The following SGCZ variants were observed in gnomAD, a reference collection of about 807,000 sequenced individuals.
SGCZ encodes zeta-sarcoglycan.
A neutral mutation model predicts 41.3 loss-of-function variants in SGCZ; 40 were observed. The ratio of observed to expected loss-of-function variants is 0.97; its 90% CI spans 0.75 to 1.26. The LOEUF (loss-of-function observed/expected upper bound fraction) is 1.26, where lower values mean the gene tolerates loss of function less well. Among genes scored for constraint, SGCZ ranks in the 50% most tolerant of loss-of-function variants. The pLI is 0.00. For synonymous variants in SGCZ, 206 were observed against 137.5 expected, an observed-to-expected ratio of 1.50 and a Z score of -3.49; for missense variants, 552 against 369.8, an observed-to-expected ratio of 1.49 and a Z score of -4.04.
chr8:15,068,554 C>CA (rs578255341), intron 1 of SGCZ, among the ~76,000 whole-genome samples: 5 of 151,866 alleles, frequency 3.3e-5, no homozygotes, highest in Admixed American at 6.6e-5. Context: ...AATAAGTTGC[C>CA]AAAAAAATAT....
chr8:15,101,912 G>C (rs7003571), intron 1 of SGCZ, among the ~76,000 whole-genome samples: 1 of 151,946 alleles, frequency 6.6e-6, no homozygotes. Context: ...GCAACAGAGC[G>C]AGACTGTCTA....
rs1242944322 is a variant in SGCZ, at chr8:15,038,466, T to C, written c.39+199119A>G. Among the ~76,000 whole-genome samples the C allele has an allele frequency of 5.9e-5, 9 of 151,502 alleles. No individual in the cohort carries two copies. In the East Asian group the frequency reaches 1.6e-3, roughly 26 times the overall value. On this transcript the variant is annotated intron_variant, in intron 1 of 7. Coordinates refer to ENST00000382080, the MANE Select transcript of SGCZ (RefSeq NM_139167.4). Reference sequence around the variant, plus strand: ...ATACAAAAATAACATCAAAATTGACTAAAGAGTTTAATATAAGACCTTGAA... The same window carrying C: ...ATACAAAAATAACATCAAAATTGACCAAAGAGTTTAATATAAGACCTTGAA...
intron 2 of SGCZ, among the ~76,000 whole-genome samples, chr8:14,341,092 G>C (rs891516855): frequency 4.6e-5 from 7 of 152,122 alleles, no homozygotes; most frequent in Admixed American, 1.3e-4. Flanking sequence ...CTATGTTGTA[G>C]CATGTGTCAA....
At chr8:14,762,751 C>T (rs575249045) in intron 1 of SGCZ, among the ~76,000 whole-genome samples, 17 of 152,138 alleles carry the variant, frequency 1.1e-4, no homozygotes, top group Non-Finnish European at 1.9e-4. Context: ...ATTCAGTTCA[C>T]GTTGATCTTT....
chr8:14,377,103 T>A (rs867296193), intron 2 of SGCZ, among the ~76,000 whole-genome samples: 1 of 152,200 alleles, frequency 6.6e-6, no homozygotes, highest in Admixed American at 6.5e-5. Flanking sequence ...TAGACCGGGT[T>A]GCAAGAAGAA....
intron 1 of SGCZ, among the ~76,000 whole-genome samples, chr8:14,607,302 G>T (rs1222127374): frequency 6.6e-6 from 1 of 152,058 alleles, no homozygotes; most frequent in Non-Finnish European, 1.5e-5. Context: ...TTATCCTTCA[G>T]ATTGTACATT....
chr8:15,216,346 A>G (rs977636016), intron 1 of SGCZ, among the ~76,000 whole-genome samples: 1 of 150,478 alleles, frequency 6.6e-6, no homozygotes, highest in African/African-American at 2.5e-5. Flanking sequence ...CAGCCTCCCG[A>G]GTAGCTGGGA....
At chr8:14,436,088 T>G (rs987622955) in intron 2 of SGCZ, among the ~76,000 whole-genome samples, 1 of 152,188 alleles carries the variant, frequency 6.6e-6, no homozygotes, top group Non-Finnish European at 1.5e-5. Flanking sequence ...GATAGAGAAA[T>G]GCAGTGGATG....
At chr8:14,522,842 A>G (rs528313231) in intron 2 of SGCZ, among the ~76,000 whole-genome samples, 25 of 151,664 alleles carry the variant, frequency 1.6e-4, no homozygotes, top group African/African-American at 5.6e-4. Flanking sequence ...CTTTTTTCTA[A>G]CCTAGTCACT....
chr8:14,600,010 T>G lies in SGCZ; in HGVS notation c.40-45084A>C, dbSNP rs531255233. 1.6e-3 allele frequency among the ~76,000 whole-genome samples: 242 copies of G among 152,318 alleles called. 2 individuals are homozygous for G. The highest frequency in any genetic ancestry group is 5.7e-3 in the African/African-American group (235 of 41,578). ...CTTCACATTTTCTTTCAAACTTCAT[T>G]CCTATGAGGTCTTTATCCTCAGCAA... On this transcript the variant is annotated intron_variant, in intron 1 of 7. Transcript: ENST00000382080.
intron 1 of SGCZ, among the ~76,000 whole-genome samples, chr8:14,697,840 A>G (rs1333548080): frequency 6.6e-6 from 1 of 151,960 alleles, no homozygotes; most frequent in Non-Finnish European, 1.5e-5. Context: ...TTAATTCTCA[A>G]CATTTGTTCT....
chr8:14,495,502 G>A (rs1801963060), intron 2 of SGCZ, among the ~76,000 whole-genome samples: 1 of 152,116 alleles, frequency 6.6e-6, no homozygotes, highest in Non-Finnish European at 1.5e-5. Context: ...ATCAGGAAGC[G>A]ATCAGATTGA....
rs192499302 is a variant in SGCZ, at chr8:14,503,683, G to C, written c.234+51049C>G. Among the ~76,000 whole-genome samples, 1,386 of 152,004 alleles carry C rather than the reference G, an allele frequency of 9.1e-3. 25 individuals are homozygous for C. Among genetic ancestry groups the C allele is most frequent in the African/African-American group, 0.032 (1,331 of 41,476 alleles). ...CTAGGGAGGCTGAGGCAGGAGAATC[G>C]CTTGAACCTGGGAGGTGGAGGTTGC... is the stretch of plus-strand genomic sequence containing the variant. On this transcript the variant is annotated intron_variant, in intron 2 of 7. Transcript: ENST00000382080.
chr8:14,874,121 T>C (rs1278842364), intron 1 of SGCZ, among the ~76,000 whole-genome samples: 2 of 152,068 alleles, frequency 1.3e-5, no homozygotes, highest in African/African-American at 4.8e-5. Flanking sequence ...GAAACTGCAG[T>C]TCAGTAGTTT....
chr8:14,513,190 G>A (rs938342628), intron 2 of SGCZ, among the ~76,000 whole-genome samples: 4 of 151,826 alleles, frequency 2.6e-5, no homozygotes, highest in Admixed American at 6.6e-5. Flanking sequence ...CTATAAGCAT[G>A]TTCCACCACT....
intron 1 of SGCZ, among the ~76,000 whole-genome samples, chr8:14,735,334 G>A (rs1798995131): frequency 1.3e-5 from 2 of 152,334 alleles, no homozygotes; most frequent in South Asian, 4.1e-4. Context: ...CACTCTCGAT[G>A]TGGGTGGGCA....
At chr8:14,923,402 G>A (rs1002674222) in intron 1 of SGCZ, among the ~76,000 whole-genome samples, 2 of 152,200 alleles carry the variant, frequency 1.3e-5, no homozygotes, top group South Asian at 2.1e-4. Flanking sequence ...TCTGGAAGTA[G>A]ATAACAGAAG....
intron 3 of SGCZ, among the ~76,000 whole-genome samples, chr8:14,253,467 A>C (rs1262519791): frequency 1.3e-5 from 2 of 152,162 alleles, no homozygotes; most frequent in African/African-American, 2.4e-5. Flanking sequence ...CATGTATATG[A>C]AACAAGTAAT....
At chr8:14,597,653 T>G (rs1805457216) in intron 1 of SGCZ, among the ~76,000 whole-genome samples, 1 of 152,114 alleles carries the variant, frequency 6.6e-6, no homozygotes, top group Non-Finnish European at 1.5e-5. Context: ...AATTTTGTAT[T>G]TTTAGTAGTA....
Sources: gnomAD v4.1 joint callset for allele counts (sites outside exome capture counted in the v4.1 genomes callset) on GRCh38, gnomAD v4.1.1 for gene constraint, MANE v1.5 for transcripts, NCBI Gene and HGNC (gene_info 2026-07-23, HGNC 2026-07-21) for gene names.